The following ZNF490 variants were observed in gnomAD, a reference collection of about 807,000 sequenced individuals.
ZNF490 encodes zinc finger protein 490.
In ZNF490, 11 loss-of-function variants were observed where a neutral mutation model predicts 17.7. The observed-to-expected ratio is 0.62, with a 90% CI of 0.39 to 1.03. The LOEUF (loss-of-function observed/expected upper bound fraction) is 1.03, where lower values mean the gene tolerates loss of function less well. Among genes scored for constraint, ZNF490 ranks in the 50% least tolerant of loss-of-function variants. ZNF490 has a pLI of 0.00. For synonymous variants in ZNF490, 222 were observed against 216.1 expected, an observed-to-expected ratio of 1.03 and a Z score of -0.24; for missense variants, 542 against 643.4, an observed-to-expected ratio of 0.84 and a Z score of 1.71.
At chr19:12,582,829 T>G (rs1286250327) in intron 4 of ZNF490, 21 bp downstream of exon 4, 1 of 1,572,556 alleles carries the variant, frequency 6.4e-7, no homozygotes, top group Non-Finnish European at 8.7e-7. Flanking sequence ...GGCTATATAA[T>G]TATTTGTGAA....
intron 2 of ZNF490, among the ~76,000 whole-genome samples, chr19:12,595,424 T>C (rs1013723025): frequency 6.6e-6 from 1 of 152,126 alleles, no homozygotes; most frequent in African/African-American, 2.4e-5. Flanking sequence ...TTTTTTTAGT[T>C]GCATAATTCT....
chr19:12,581,392 C>T lies in ZNF490; in HGVS notation c.683G>A (p.Gly228Asp). 1 of 1,614,122 alleles carries T rather than the reference C, an allele frequency of 6.2e-7. No homozygotes were observed. Among genetic ancestry groups the T allele is most frequent in the South Asian group, 1.1e-5 (1 of 91,088 alleles). ...GEKPYECKECGKAFAFLFSFR... is the reference protein window; with the variant it reads ...GEKPYECKECDKAFAFLFSFR... ...GGAAAAGAGAAATGCGAAGGCTTTGCCACATTCCTTACATTCATAGGGTTT... is the reference window on the plus strand; with the variant it reads ...GGAAAAGAGAAATGCGAAGGCTTTGTCACATTCCTTACATTCATAGGGTTT... Residue 228 changes from glycine to aspartate, a missense_variant, in exon 5 of 5, where the codon GGC (glycine) becomes GAC (aspartate). Coordinates refer to ENST00000311437, the MANE Select transcript of ZNF490 (RefSeq NM_020714.3).
intron 1 of ZNF490, chr19:12,609,796 T>C (rs2023121828): frequency 5.7e-6 from 2 of 350,224 alleles, no homozygotes; most frequent in South Asian, 2.2e-5. Flanking sequence ...AACATGGACA[T>C]ACAGAATGGA....
chr19:12,583,493 G>C lies in ZNF490; in HGVS notation c.226C>G (p.Pro76Ala). The C allele has an allele frequency of 6.2e-7, 1 of 1,606,810 alleles. No homozygotes were observed. The highest frequency in any genetic ancestry group is 8.5e-7 in the Non-Finnish European group (1 of 1,175,412). Residue 76 changes from proline to alanine, a missense_variant, in exon 3 of 5, where the codon CCT becomes GCT. Coordinates refer to ENST00000311437, the MANE Select transcript of ZNF490 (RefSeq NM_020714.3). ...FTLEEWALLDPGQRNIYRDVM... is the reference protein window; with the variant it reads ...FTLEEWALLDAGQRNIYRDVM... ...TCTCTGTAGATATTCCTCTGGCCAGGATCCAGCAAAGCCCACTCCTCCAGG... is the reference window on the plus strand; with the variant it reads ...TCTCTGTAGATATTCCTCTGGCCAGCATCCAGCAAAGCCCACTCCTCCAGG...
rs35110100 is a variant in ZNF490 at position 12,579,532 on chromosome 19, C to CAAAAAAAAAAAAAAAAA, written c.*936_*952dup. ...TAGGCAACAGAGTAAGACTCCAGCT[C>CAAAAAAAAAAAAAAAAA]AAAAAAAAAAAAAAAAAAAAGTAAA... On this transcript the variant is annotated 3_prime_UTR_variant, in exon 5 of 5. Coordinates refer to ENST00000311437, the MANE Select transcript of ZNF490 (RefSeq NM_020714.3). 1 of 54,832 alleles carries CAAAAAAAAAAAAAAAAA rather than the reference C, an allele frequency of 1.8e-5. No homozygotes were observed. The allele number at this position is 54,832 out of a possible 1,614,324, so 3.4% of individuals were successfully genotyped here. A position where few individuals can be genotyped will look rare whatever the true frequency, so the allele number is the denominator to read the frequency against.
intron 2 of ZNF490, among the ~76,000 whole-genome samples, chr19:12,601,063 G>A (rs2022995928): frequency 6.7e-6 from 1 of 149,892 alleles, no homozygotes; most frequent in African/African-American, 2.5e-5. Flanking sequence ...TCCAGTCAGG[G>A]AGACAGGGTA....
In ZNF490 at chr19:12,576,356, A is replaced by G. The variant is rs1447246712; in HGVS notation, c.*4129T>C. 1.3e-5 allele frequency among the ~76,000 whole-genome samples: 2 copies of G among 151,978 alleles called. No individual in the cohort carries two copies. The highest frequency in any genetic ancestry group is 4.8e-5 in the African/African-American group (2 of 41,376). ...CCCCGTCTCTACTAAAAATAAAAAA[A>G]CTAGCTCGGTATGGTGGCACGCGCC... On this transcript the variant is annotated 3_prime_UTR_variant, in exon 5 of 5. Coordinates refer to ENST00000311437, the MANE Select transcript of ZNF490 (RefSeq NM_020714.3).
At chr19:12,602,079 T>TATACACACACACACACAC (rs778812676) in intron 2 of ZNF490, among the ~76,000 whole-genome samples, 2 of 68,596 alleles carry the variant, frequency 2.9e-5, no homozygotes, top group East Asian at 2.5e-4. Flanking sequence ...GTTCACTATA[T>TATACACACACACACACAC]ACACACACAC....
chr19:12,590,921 T>TA (rs3058496), intron 2 of ZNF490, among the ~76,000 whole-genome samples: 6,585 of 147,348 alleles, frequency 0.045, 474 homozygotes, highest in African/African-American at 0.15. Flanking sequence ...TCTATTTCTT[T>TA]AAAAAAAAAA....
intron 2 of ZNF490, among the ~76,000 whole-genome samples, chr19:12,592,993 T>C (rs2022890163): frequency 6.6e-6 from 1 of 152,252 alleles, no homozygotes; most frequent in Non-Finnish European, 1.5e-5. Flanking sequence ...TAAGCCTTTA[T>C]GGTGCTTCGT....
At chr19:12,601,383 G>A (rs1272105232) in intron 2 of ZNF490, among the ~76,000 whole-genome samples, 4 of 149,808 alleles carry the variant, frequency 2.7e-5, no homozygotes, top group East Asian at 2.0e-4. Flanking sequence ...GCAAGACTCC[G>A]TCTGAAAAAA....
At chr19:12,598,662 C>A (rs1396028219) in intron 2 of ZNF490, among the ~76,000 whole-genome samples, 13 of 150,670 alleles carry the variant, frequency 8.6e-5, no homozygotes, top group African/African-American at 2.2e-4. Flanking sequence ...CAGGCCTGAA[C>A]CACCATGCCC....
chr19:12,595,353 C>G (rs1375253040), intron 2 of ZNF490, among the ~76,000 whole-genome samples: 9 of 152,010 alleles, frequency 5.9e-5, no homozygotes, highest in Admixed American at 5.9e-4. Context: ...CAGCTCCCGA[C>G]CCGCCTGTCT....
At chr19:12,582,746 T>C in intron 4 of ZNF490, 104 bp downstream of exon 4, 1 of 1,056,452 alleles carries the variant, frequency 9.5e-7, no homozygotes, top group Non-Finnish European at 1.4e-6. Flanking sequence ...TAAGAATGAA[T>C]AAACCTGAAA....
intron 2 of ZNF490, among the ~76,000 whole-genome samples, chr19:12,608,703 T>G (rs2023102948): frequency 6.6e-6 from 1 of 152,126 alleles, no homozygotes; most frequent in South Asian, 2.1e-4. Context: ...AACCAACTCC[T>G]GGCCTCAAGT....
Position 12,585,650 on chromosome 19 carries a change from T to C in ZNF490, c.163-2094A>G, listed in dbSNP as rs1389622710. Among the ~76,000 whole-genome samples the C allele has an allele frequency of 3.2e-5, 3 of 92,558 alleles. 1 individual carries two copies. Among genetic ancestry groups the C allele is most frequent in the African/African-American group, 9.7e-5 (3 of 30,952 alleles). The allele number at this position is 92,558 out of a possible 152,430, so 60.7% of individuals were successfully genotyped here. On this transcript the variant is annotated intron_variant, in intron 2 of 4. Transcript: ENST00000311437. ...AAGACAGATGATTCATAGGATTATATCATGTTTCCACTCCAGCCACTGGTA... is the reference window on the plus strand; with the variant it reads ...AAGACAGATGATTCATAGGATTATACCATGTTTCCACTCCAGCCACTGGTA...
intron 2 of ZNF490, among the ~76,000 whole-genome samples, chr19:12,593,307 G>A (rs915904214): frequency 6.6e-6 from 1 of 151,944 alleles, no homozygotes; most frequent in Non-Finnish European, 1.5e-5. Context: ...AAATGCAGAG[G>A]CGCAATCTCG....
chr19:12,605,512 T>G (rs1025298392), intron 2 of ZNF490, among the ~76,000 whole-genome samples: 2 of 150,588 alleles, frequency 1.3e-5, no homozygotes, highest in Non-Finnish European at 3.0e-5. Context: ...TTGTAATAAA[T>G]GGGTGAATGT....
In ZNF490 at chr19:12,590,934, A is replaced by AAT. The variant is rs397824386; in HGVS notation, c.163-7379_163-7378insAT. On this transcript the variant is annotated intron_variant, in intron 2 of 4. Coordinates refer to ENST00000311437, the MANE Select transcript of ZNF490 (RefSeq NM_020714.3). ...TCTCTATTTCTTTAAAAAAAAAAAA[A>AAT]TTTTTTTTAAATAAAAGAAAAATTA... Among the ~76,000 whole-genome samples, 112 of 151,428 alleles carry AAT rather than the reference A, an allele frequency of 7.4e-4. 3 individuals carry two copies. The highest frequency in any genetic ancestry group is 6.8e-3 in the Middle Eastern group (2 of 294).
Sources: gnomAD v4.1 joint callset for allele counts (sites outside exome capture counted in the v4.1 genomes callset) on GRCh38, gnomAD v4.1.1 for gene constraint, MANE v1.5 for transcripts, NCBI Gene and HGNC (gene_info 2026-07-23, HGNC 2026-07-21) for gene names.